PKD1L1: variants seen among roughly 807,000 people sequenced by gnomAD.
The protein encoded by PKD1L1 is polycystin 1 like 1, transient receptor potential channel interacting.
In PKD1L1, 236 loss-of-function variants were observed where a neutral mutation model predicts 323.4. The observed-to-expected ratio is 0.73, with a 90% CI of 0.66 to 0.81. The LOEUF (loss-of-function observed/expected upper bound fraction) is 0.81. PKD1L1 is among the 40% of genes least tolerant of loss of function. The pLI is 0.00. For synonymous variants in PKD1L1, 1,344 were observed against 1,335.0 expected, an observed-to-expected ratio of 1.01 and a Z score of -0.15; for missense variants, 3,320 against 3,508.0, an observed-to-expected ratio of 0.95 and a Z score of 1.35.
chr7:47,875,989 C>A, intron 23 of PKD1L1, 108 bp downstream of exon 23: 3 of 1,247,298 alleles, frequency 2.4e-6, no homozygotes, highest in South Asian at 1.6e-5. Flanking sequence ...TTAAACTGAT[C>A]AAGGTGATTT....
chr7:47,780,192 G>A (rs531170598), intron 56 of PKD1L1, among the ~76,000 whole-genome samples: 119 of 152,118 alleles, frequency 7.8e-4, no homozygotes, highest in South Asian at 1.5e-3. Context: ...TACAATTAAC[G>A]TAAAGAACAT....
At chr7:47,942,742 G>A (rs1446350721) in intron 2 of PKD1L1, among the ~76,000 whole-genome samples, 1 of 152,138 alleles carries the variant, frequency 6.6e-6, no homozygotes, top group Non-Finnish European at 1.5e-5. Flanking sequence ...GGCTCTGGGA[G>A]GCCCCACTTA....
intron 56 of PKD1L1, among the ~76,000 whole-genome samples, chr7:47,781,526 A>T (rs1786697114): frequency 6.7e-6 from 1 of 149,284 alleles, no homozygotes; most frequent in Middle Eastern, 3.3e-3. Context: ...CTCCTGCCTC[A>T]GCCTCCCAAG....
intron 46 of PKD1L1, 61 bp from the exon 47 acceptor site, chr7:47,815,518 G>C: frequency 6.4e-7 from 1 of 1,555,344 alleles, no homozygotes; most frequent in African/African-American, 1.4e-5. Context: ...TGAAACGTGA[G>C]AACAAAAGCA....
intron 14 of PKD1L1, among the ~76,000 whole-genome samples, chr7:47,896,348 A>AAAAAAAAAAAAAAAAAAAAAAAAAAAC (rs1786935368): frequency 6.6e-6 from 1 of 151,622 alleles, no homozygotes. Context: ...AAAAAAAAAA[A>AAAAAAAAAAAAAAAAAAAAAAAAAAAC]AAAAAAGGAG....
chr7:47,861,568 G>A (rs2128742893), intron 26 of PKD1L1, among the ~76,000 whole-genome samples: 1 of 152,306 alleles, frequency 6.6e-6, no homozygotes, highest in African/African-American at 2.4e-5. Context: ...GTGGAAATGG[G>A]TGAAGTCCTC....
chr7:47,783,974 G>A (rs1786752917), intron 56 of PKD1L1, among the ~76,000 whole-genome samples: 2 of 152,178 alleles, frequency 1.3e-5, no homozygotes, highest in Non-Finnish European at 2.9e-5. Flanking sequence ...ACCCTGCTAG[G>A]AGACAATTTG....
intron 50 of PKD1L1, 160 bp from the exon 51 acceptor site, chr7:47,809,737 T>G: frequency 1.9e-6 from 1 of 518,356 alleles, no homozygotes; most frequent in Non-Finnish European, 3.3e-6. Context: ...AACTTGCTCT[T>G]CAGTAGGCAC....
At chr7:47,790,168 C>T (rs145272614) in intron 56 of PKD1L1, among the ~76,000 whole-genome samples, 2 of 151,866 alleles carry the variant, frequency 1.3e-5, no homozygotes, top group Non-Finnish European at 2.9e-5. Flanking sequence ...TGATTACGGG[C>T]GTGAGCCACT....
intron 49 of PKD1L1, among the ~76,000 whole-genome samples, chr7:47,812,728 C>A (rs1000211413): frequency 2.0e-5 from 3 of 152,146 alleles, no homozygotes; most frequent in Non-Finnish European, 4.4e-5. Flanking sequence ...CGCACTTGAA[C>A]CTCCACCCCT....
chr7:47,848,002 A>G (rs10254483), intron 31 of PKD1L1, among the ~76,000 whole-genome samples: 29,488 of 152,190 alleles, frequency 0.19, 3,108 homozygotes, highest in Middle Eastern at 0.23. Flanking sequence ...CTTTAAATAT[A>G]TGAAAAAATA....
intron 56 of PKD1L1, among the ~76,000 whole-genome samples, chr7:47,778,289 A>T (rs948791531): frequency 6.6e-6 from 1 of 152,186 alleles, no homozygotes; most frequent in African/African-American, 2.4e-5. Flanking sequence ...TGTGTGAGAG[A>T]TTATCGTGTG....
intron 39 of PKD1L1, 23 bp downstream of exon 39, chr7:47,834,944 T>G: frequency 6.2e-7 from 1 of 1,606,086 alleles, no homozygotes; most frequent in Non-Finnish European, 8.5e-7. Flanking sequence ...GGAGAGTTTC[T>G]GAGAGTTTTA....
intron 13 of PKD1L1, 30 bp downstream of exon 13, chr7:47,902,349 G>A (rs1350136764): frequency 6.2e-7 from 1 of 1,610,724 alleles, no homozygotes; most frequent in South Asian, 1.1e-5. Context: ...AAAAGAGGCT[G>A]GTGGAGGATT....
intron 24 of PKD1L1, among the ~76,000 whole-genome samples, chr7:47,870,316 T>C (rs1416197484): frequency 3.3e-5 from 5 of 152,096 alleles, no homozygotes; most frequent in Non-Finnish European, 7.4e-5. Flanking sequence ...AGCCAAAAGC[T>C]GGTTTTTTGA....
chr7:47,833,313 C>T (rs1479965360), intron 40 of PKD1L1, 61 bp from the exon 41 acceptor site: 2 of 1,552,910 alleles, frequency 1.3e-6, no homozygotes, highest in African/African-American at 1.4e-5. Flanking sequence ...ACACGTGACG[C>T]TCAACAGTGG....
At chr7:47,880,284 A>ATATTTTTT (rs1225214936) in intron 21 of PKD1L1, among the ~76,000 whole-genome samples, 5 of 56,782 alleles carry the variant, frequency 8.8e-5, no homozygotes, top group African/African-American at 5.3e-4. Flanking sequence ...ATATATATAT[A>ATATTTTTT]TTTTTTTTTT....
At chr7:47,901,372 A>C (rs974093186) in intron 13 of PKD1L1, among the ~76,000 whole-genome samples, 1 of 152,004 alleles carries the variant, frequency 6.6e-6, no homozygotes, top group African/African-American at 2.4e-5. Context: ...GAAATTATCA[A>C]TCTTATTTTC....
At chr7:47,830,482 A>G (rs1396007460) in intron 42 of PKD1L1, among the ~76,000 whole-genome samples, 1 of 152,198 alleles carries the variant, frequency 6.6e-6, no homozygotes, top group Non-Finnish European at 1.5e-5. Context: ...GGTGCTCCGC[A>G]GGGGCAGGCA....
Sources: allele counts gnomAD v4.1 joint callset (sites outside exome capture counted in the v4.1 genomes callset), GRCh38; gene constraint gnomAD v4.1.1; transcripts MANE v1.5; gene names NCBI Gene and HGNC (gene_info 2026-07-23, HGNC 2026-07-21).